DIS3L: variants seen among roughly 807,000 people sequenced by gnomAD.
The protein encoded by DIS3L is DIS3 like exosome 3'-5' exoribonuclease, also known as DIS3-like exonuclease 1.
A neutral mutation model predicts 120.3 loss-of-function variants in DIS3L; 100 were observed. The observed-to-expected ratio is 0.83, with a 90% CI of 0.71 to 0.98. DIS3L has a LOEUF of 0.98. Among genes scored for constraint, DIS3L ranks in the 50% least tolerant of loss-of-function variants. The pLI is 0.00. For missense variants in DIS3L, 1,196 were observed against 1,314.2 expected (o/e 0.91, Z 1.39); for synonymous variants, 426 against 470.6 (o/e 0.91, Z 1.23).
chr15:66,309,457 T>A (rs2092739290), intron 4 of DIS3L, among the ~76,000 whole-genome samples: 1 of 152,052 alleles, frequency 6.6e-6, no homozygotes, highest in African/African-American at 2.4e-5. Context: ...CCAATATTCT[T>A]ATTGTTGACC....
chr15:66,295,312 T>C (rs2092574861), intron 2 of DIS3L, among the ~76,000 whole-genome samples, 171 bp downstream of exon 2: 1 of 152,228 alleles, frequency 6.6e-6, no homozygotes, highest in Non-Finnish European at 1.5e-5. Flanking sequence ...ATTTTATATT[T>C]CTGCTTCAAC....
Position 66,294,010 on chromosome 15 carries a change from G to A in DIS3L, c.139+275G>A, listed in dbSNP as rs1302883790. On this transcript the variant is annotated intron_variant, in intron 1 of 16. Coordinates refer to ENST00000319212, the MANE Select transcript of DIS3L (RefSeq NM_001143688.3). ...ACCCGCACCCCATGCCGGAGGCCGG[G>A]TGGTTTGGCTCCTCAGAGGGGCCTG... is the stretch of plus-strand genomic sequence containing the variant. 7.1e-6 allele frequency: 7 copies of A among 989,458 alleles called. No homozygotes were observed. The Admixed American group carries it at 3.6e-4, about 52-fold the overall frequency. The allele number at this position is 989,458 out of a possible 1,614,324, so 61.3% of individuals were successfully genotyped here. A position where few individuals can be genotyped will look rare whatever the true frequency, so the allele number is the denominator to read the frequency against.
intron 11 of DIS3L, among the ~76,000 whole-genome samples, 157 bp from the exon 12 acceptor site, chr15:66,325,674 T>C (rs2092927890): frequency 6.6e-6 from 1 of 152,076 alleles, no homozygotes; most frequent in Non-Finnish European, 1.5e-5. Flanking sequence ...GGCAGGAGAA[T>C]TGCTCAAGTC....
chr15:66,327,377 C>A (rs1484149861), intron 12 of DIS3L, among the ~76,000 whole-genome samples: 1 of 152,184 alleles, frequency 6.6e-6, no homozygotes, highest in Non-Finnish European at 1.5e-5. Flanking sequence ...TAAGATACTA[C>A]ACCAACAGTG....
At position 66,329,114 on chromosome 15, in the gene DIS3L, C is replaced by T. The variant is rs563449715; in HGVS notation, c.2346C>T (p.Phe782=). ...FSTGSCAEEE[F]HHYGLALDKY... ...CCGGATCCTGTGCGGAGGAGGAGTT[C>T]CATCATTACGGTGAATCATACCATA... is the stretch of plus-strand genomic sequence containing the variant. The change falls in exon 13 of 17, where the codon TTC becomes TTT. Residue 782 remains phenylalanine, a synonymous_variant. Transcript: ENST00000319212. 2 of 1,611,488 alleles carry T rather than the reference C, an allele frequency of 1.2e-6. No individual in the cohort carries two copies. The highest frequency in any genetic ancestry group is 1.7e-6 in the Non-Finnish European group (2 of 1,179,236).
rs796186674 is a variant in DIS3L at position 66,317,345 on chromosome 15, GAAAAAAA to G, written c.995-1093_995-1087del. Among the ~76,000 whole-genome samples the G allele has an allele frequency of 5.2e-4, 71 of 135,440 alleles. 1 individual carries two copies. Among genetic ancestry groups the G allele is most frequent in the South Asian group, 4.8e-4 (2 of 4,160 alleles). 88.9% of individuals were successfully genotyped at this position (135,440 alleles called of 152,430 possible). ...GTTGGAGCTCAGTAAATATTTGTGG[GAAAAAAA>G]AAAAAAAAAAGAAAAAAGAGAACAT... is the stretch of plus-strand genomic sequence containing the variant. On this transcript the variant is annotated intron_variant, in intron 7 of 16. Coordinates refer to ENST00000319212, the MANE Select transcript of DIS3L (RefSeq NM_001143688.3).
At chr15:66,293,777 G>C (rs2092550368) in intron 1 of DIS3L, 42 bp downstream of exon 1, 2 of 1,149,254 alleles carry the variant, frequency 1.7e-6, no homozygotes, top group Non-Finnish European at 2.1e-6. Flanking sequence ...CGGCGGGAGC[G>C]GGCGGCCGCA....
upstream of DIS3L, chr15:66,293,496 G>T (rs1358039560): frequency 4.8e-6 from 6 of 1,245,780 alleles, no homozygotes; most frequent in South Asian, 2.8e-5. Flanking sequence ...CAGTTACGGC[G>T]GTTCCGGAGC....
intron 9 of DIS3L, 25 bp downstream of exon 9, chr15:66,320,757 T>G: frequency 6.3e-7 from 1 of 1,594,908 alleles, no homozygotes; most frequent in Non-Finnish European, 8.5e-7. Flanking sequence ...AAGGCTTTGA[T>G]CTAGTGACAT....
At chr15:66,293,894 C>A in intron 1 of DIS3L, 159 bp downstream of exon 1, 1 of 1,002,382 alleles carries the variant, frequency 1.0e-6, no homozygotes, top group African/African-American at 1.7e-5. Flanking sequence ...CGGCTCTCTG[C>A]CGGTGGGGAC....
rs1258857261 is a variant in DIS3L, at chr15:66,329,136, C to T, written c.2356+12C>T. 1.3e-5 allele frequency: 21 copies of T among 1,604,678 alleles called. 1 individual carries two copies. The highest frequency in any genetic ancestry group is 8.1e-5 in the African/African-American group (6 of 74,452). On this transcript the variant is annotated intron_variant, in intron 13 of 16. Coordinates refer to ENST00000319212, the MANE Select transcript of DIS3L (RefSeq NM_001143688.3). Reference sequence around the variant, plus strand: ...GTTCCATCATTACGGTGAATCATACCATATTCCTATGTGTGGCTGTAACTT... The same window carrying T: ...GTTCCATCATTACGGTGAATCATACTATATTCCTATGTGTGGCTGTAACTT...
upstream of DIS3L, chr15:66,293,486 C>G (rs2092543898): frequency 1.6e-6 from 2 of 1,234,598 alleles, no homozygotes; most frequent in African/African-American, 3.2e-5. Context: ...CCGGGCGCGG[C>G]AGTTACGGCG....
At chr15:66,329,543 G>T in intron 14 of DIS3L, 144 bp downstream of exon 14, 1 of 1,328,282 alleles carries the variant, frequency 7.5e-7, no homozygotes, top group Non-Finnish European at 9.7e-7. Flanking sequence ...AACATTTGTA[G>T]ATGTTCTCAG....
intron 5 of DIS3L, among the ~76,000 whole-genome samples, chr15:66,312,439 T>G (rs2092772081): frequency 1.3e-5 from 2 of 152,128 alleles, no homozygotes; most frequent in South Asian, 4.1e-4. Flanking sequence ...ATATTGAACA[T>G]CATACAAGCA....
intron 9 of DIS3L, among the ~76,000 whole-genome samples, chr15:66,321,312 A>C (rs1328854326): frequency 1.3e-5 from 2 of 152,216 alleles, no homozygotes; most frequent in Non-Finnish European, 2.9e-5. Context: ...TGCACACACT[A>C]ATTTCTGTTC....
intron 14 of DIS3L, 139 bp downstream of exon 14, chr15:66,329,538 T>C: frequency 2.3e-6 from 3 of 1,333,184 alleles, no homozygotes; most frequent in Non-Finnish European, 2.9e-6. Context: ...TTCAGAACAT[T>C]TGTAGATGTT....
chr15:66,306,762 C>A, intron 2 of DIS3L, 62 bp from the exon 3 acceptor site: 2 of 1,599,148 alleles, frequency 1.3e-6, no homozygotes, highest in Non-Finnish European at 8.6e-7. Context: ...TGATCCTTAG[C>A]AAGAGATAGC....
Position 66,325,831 on chromosome 15 carries a change from G to A in DIS3L, c.1668G>A (p.Arg556=). ...GTTGTCAATGTTACTGTTTTTGTAG[G>A]TATGCTGTAAGCATCATGTGGGAAC... ...DLCSLLGGVD[R]YAVSIMWELD... Residue 556 remains arginine, a splice_region_variant and synonymous_variant, in exon 12 of 17, where the codon AGG becomes AGA. Transcript: ENST00000319212. 3 of 1,588,548 alleles carry A rather than the reference G, an allele frequency of 1.9e-6. 1 individual carries two copies. In the South Asian group the frequency reaches 3.4e-5, roughly 18 times the overall value.
At position 66,311,877 on chromosome 15, in the gene DIS3L, A is replaced by C. The variant is rs988153681; in HGVS notation, c.712A>C (p.Ile238Leu). Residue 238 changes from isoleucine (I) to leucine (L), a missense_variant, in exon 5 of 17, where the codon ATT becomes CTT. Transcript: ENST00000319212. ...HLPLEVLEAG[I>L]KSGRYIQGIL... The stretch of plus-strand genomic sequence containing the variant: ...TCCCCTGGAAGTGTTAGAAGCTGGG[A>C]TTAAATCTGGACGCTATATCCAGGT... The C allele has an allele frequency of 3.1e-6, 5 of 1,613,966 alleles. No individual in the cohort carries two copies. Among genetic ancestry groups the C allele is most frequent in the Non-Finnish European group, 4.2e-6 (5 of 1,179,988 alleles).
Sources: gnomAD v4.1 joint callset for allele counts (sites outside exome capture counted in the v4.1 genomes callset) on GRCh38, gnomAD v4.1.1 for gene constraint, MANE v1.5 for transcripts, NCBI Gene and HGNC (gene_info 2026-07-23, HGNC 2026-07-21) for gene names.